Variants in SYNE2 observed in about 807,000 individuals in gnomAD.
SYNE2 encodes spectrin repeat containing nuclear envelope protein 2, also known as nesprin-2.
A neutral mutation model predicts 856.3 loss-of-function variants in SYNE2; 431 were observed. The observed-to-expected ratio is 0.50, with a 90% CI of 0.47 to 0.55. SYNE2 has a LOEUF of 0.55. Ranked by LOEUF, SYNE2 falls within the 20% of genes least tolerant of loss-of-function variation. The pLI is 0.00. For synonymous variants in SYNE2, 2,923 were observed against 2,872.3 expected (o/e 1.02, Z -0.56); for missense variants, 8,129 against 8,023.2 (o/e 1.01, Z -0.50).
At position 64,146,178 on chromosome 14, in the gene SYNE2, A is replaced by C. The variant is rs1338249660; in HGVS notation, c.15594A>C (p.Lys5198Asn). ...AAGAGAGACTGAAAACTTTACAAAA[A>C]CCTGAAAGTGTGATCTCAGTGCAGA... Reference protein sequence around the residue: ...AQEERLKTLQKPESVISVQKL... With the variant: ...AQEERLKTLQNPESVISVQKL... Residue 5198 changes from lysine to asparagine, a missense_variant, in exon 84 of 116, where the codon AAA (lysine) becomes AAC (asparagine). Lys to Asn is a moderately conservative substitution (Grantham distance 94). This residue lies in a region of SYNE2 where 5,410 missense variants were observed against 5,284.8 expected (regional missense o/e 1.02). Transcript: ENST00000555002. 1.9e-6 allele frequency: 3 copies of C among 1,612,998 alleles called. No individual in the cohort carries two copies. The highest frequency in any genetic ancestry group is 2.5e-6 in the Non-Finnish European group (3 of 1,179,644).
intron 1 of SYNE2, among the ~76,000 whole-genome samples, chr14:63,884,528 C>T (rs2094937474): frequency 6.6e-6 from 1 of 152,104 alleles, no homozygotes; most frequent in Non-Finnish European, 1.5e-5. Flanking sequence ...GTGGTAGATA[C>T]ACTGAGATTG....
intron 1 of SYNE2, among the ~76,000 whole-genome samples, chr14:63,879,762 C>T (rs1439093492): frequency 6.6e-6 from 1 of 152,222 alleles, no homozygotes; most frequent in Non-Finnish European, 1.5e-5. Flanking sequence ...CCACAGATAG[C>T]ATATTTTACA....
chr14:64,063,582 T>C (rs2097334185), intron 50 of SYNE2, among the ~76,000 whole-genome samples: 1 of 152,250 alleles, frequency 6.6e-6, no homozygotes, highest in Non-Finnish European at 1.5e-5. Context: ...TGAATTCTGG[T>C]TACTTCTTAG....
chr14:63,814,395 C>A lies in SYNE2; in HGVS notation c.-304-38106C>A, dbSNP rs1167435574. On this transcript the variant is annotated intron_variant, in intron 1 of 23. Coordinates refer to the SYNE2 transcript ENST00000674003. Reference sequence around the variant, plus strand: ...AATAGGATATATATTATATATATATCCATAAACATATCCATATATATAATA... The same window carrying A: ...AATAGGATATATATTATATATATATACATAAACATATCCATATATATAATA... Among the ~76,000 whole-genome samples, 3 of 145,550 alleles carry A rather than the reference C, an allele frequency of 2.1e-5. No individual in the cohort carries two copies. The East Asian group carries it at 5.9e-4, about 29-fold the overall frequency.
intron 50 of SYNE2, 131 bp downstream of exon 50, chr14:64,063,026 A>G: frequency 9.2e-7 from 1 of 1,082,832 alleles, no homozygotes; most frequent in Non-Finnish European, 1.4e-6. Flanking sequence ...ATCCATGAAT[A>G]TTCCTCAAAT....
intron 45 of SYNE2, among the ~76,000 whole-genome samples, chr14:64,036,419 G>A (rs2097090934): frequency 6.6e-6 from 1 of 152,074 alleles, no homozygotes; most frequent in South Asian, 2.1e-4. Context: ...CTGAGTCGCT[G>A]GGATCACAGG....
chr14:64,057,594 G>C (rs965803900), intron 49 of SYNE2, among the ~76,000 whole-genome samples: 1 of 152,154 alleles, frequency 6.6e-6, no homozygotes, highest in Non-Finnish European at 1.5e-5. Context: ...TGGGAGTGCA[G>C]CTATCTCTTC....
intron 74 of SYNE2, 119 bp from the exon 75 acceptor site, chr14:64,129,663 G>A (rs1017033179): frequency 2.1e-6 from 3 of 1,428,584 alleles, no homozygotes; most frequent in Non-Finnish European, 2.9e-6. Context: ...GGGAGCGGGA[G>A]CTGGGATTTT....
chr14:64,173,712 C>T (rs941396576), intron 94 of SYNE2, among the ~76,000 whole-genome samples: 1 of 151,810 alleles, frequency 6.6e-6, no homozygotes, highest in African/African-American at 2.4e-5. Context: ...GGTGAGGCTA[C>T]CTCGGCCACC....
intron 99 of SYNE2, among the ~76,000 whole-genome samples, chr14:64,198,717 G>A (rs1255996): frequency 0.054 from 8,294 of 152,258 alleles, 502 homozygotes; most frequent in East Asian, 0.33. Context: ...TGTGAAACCA[G>A]GGCTGAGGAG....
intron 45 of SYNE2, among the ~76,000 whole-genome samples, chr14:64,040,921 T>G (rs779510858): frequency 3.9e-5 from 6 of 152,042 alleles, no homozygotes; most frequent in Middle Eastern, 3.4e-3. Flanking sequence ...TGCATTGTAC[T>G]TAAAATAGTA....
At chr14:63,770,806 G>T (rs1485839653) in intron 1 of SYNE2, among the ~76,000 whole-genome samples, 1 of 152,050 alleles carries the variant, frequency 6.6e-6, no homozygotes, top group Non-Finnish European at 1.5e-5. Flanking sequence ...GTGAGCCACT[G>T]TGCCCAACCA....
chr14:63,901,144 C>T (rs1196417778), intron 1 of SYNE2, among the ~76,000 whole-genome samples: 1 of 152,192 alleles, frequency 6.6e-6, no homozygotes, highest in Non-Finnish European at 1.5e-5. Context: ...GGCTTGTTAA[C>T]AAACTGTCTA....
At chr14:63,959,500 G>A (rs2096283078) in intron 8 of SYNE2, among the ~76,000 whole-genome samples, 1 of 151,708 alleles carries the variant, frequency 6.6e-6, no homozygotes, top group South Asian at 2.1e-4. Context: ...GTTTCGCCGT[G>A]TTGGCCAGGA....
intron 111 of SYNE2, 44 bp from the exon 112 acceptor site, chr14:64,221,532 A>G (rs775698602): frequency 6.2e-7 from 1 of 1,614,174 alleles, no homozygotes; most frequent in Non-Finnish European, 8.5e-7. Flanking sequence ...ACCCTCTTCC[A>G]GGGCTCTAAG....
chr14:64,073,779 G>A (rs908759394), intron 52 of SYNE2, among the ~76,000 whole-genome samples, 189 bp from the exon 53 acceptor site: 3 of 152,126 alleles, frequency 2.0e-5, no homozygotes, highest in African/African-American at 4.8e-5. Context: ...TTGATTAAGT[G>A]GTAGATTTTG....
chr14:64,106,143 CA>C (rs1567316406), intron 64 of SYNE2, among the ~76,000 whole-genome samples: 2 of 132,152 alleles, frequency 1.5e-5, no homozygotes, highest in Non-Finnish European at 3.2e-5. Flanking sequence ...CCCCCCCCCC[CA>C]ACCAACACAC....
At chr14:63,880,755 C>T (rs2094842116) in intron 1 of SYNE2, among the ~76,000 whole-genome samples, 1 of 150,642 alleles carries the variant, frequency 6.6e-6, no homozygotes, top group South Asian at 2.1e-4. Context: ...TCCCTGCAGC[C>T]TTGGCTTCCT....
intron 49 of SYNE2, among the ~76,000 whole-genome samples, chr14:64,059,362 C>T (rs573794013): frequency 2.6e-5 from 4 of 152,080 alleles, no homozygotes; most frequent in Admixed American, 6.5e-5. Context: ...TTTTTGGTCG[C>T]GGTAGTCATA....
Sources: gnomAD v4.1 joint callset for allele counts (sites outside exome capture counted in the v4.1 genomes callset) on GRCh38, gnomAD v4.1.1 for gene constraint, gnomAD v4.1.1 regional missense constraint, MANE v1.5 for transcripts, NCBI Gene and HGNC (gene_info 2026-07-23, HGNC 2026-07-21) for gene names.